The following SHANK2 variants were observed in gnomAD, a reference collection of about 807,000 sequenced individuals.
SHANK2 encodes the protein SH3 and multiple ankyrin repeat domains 2.
SHANK2 carries 43 observed loss-of-function variants against 133.7 expected under a neutral mutation model. The ratio of observed to expected loss-of-function variants is 0.32; its 90% CI spans 0.25 to 0.41. SHANK2 has a LOEUF of 0.41. Ranked by LOEUF, SHANK2 falls within the 10% of genes least tolerant of loss-of-function variation. The pLI, the probability that SHANK2 is intolerant of heterozygous loss-of-function variation, is 1.00. For missense variants in SHANK2, 1,994 were observed against 2,235.8 expected, an observed-to-expected ratio of 0.89 and a Z score of 2.18; for synonymous variants, 1,017 against 952.8, an observed-to-expected ratio of 1.07 and a Z score of -1.24.
At chr11:70,476,652 A>G (rs977197102) in intron 25 of SHANK2, among the ~76,000 whole-genome samples, 2 of 152,222 alleles carry the variant, frequency 1.3e-5, no homozygotes, top group Non-Finnish European at 2.9e-5. Flanking sequence ...GGCACAGGGA[A>G]TGTTTCCTAT....
intron 2 of SHANK2, among the ~76,000 whole-genome samples, chr11:71,203,360 G>A (rs182536606): frequency 2.2e-4 from 34 of 152,324 alleles, no homozygotes; most frequent in African/African-American, 7.9e-4. Context: ...CTAAATCAGA[G>A]AGCTAATAAA....
At chr11:70,748,144 A>G (rs968038309) in intron 14 of SHANK2, among the ~76,000 whole-genome samples, 2 of 152,204 alleles carry the variant, frequency 1.3e-5, no homozygotes, top group Admixed American at 6.5e-5. Context: ...CTCCCAGTTC[A>G]TTTCTCAGCC....
chr11:70,485,452 G>T lies in SHANK2; in HGVS notation c.4841C>A (p.Pro1614Gln). 2 of 1,614,002 alleles carry T rather than the reference G, an allele frequency of 1.2e-6. No individual in the cohort carries two copies. Among genetic ancestry groups the T allele is most frequent in the Non-Finnish European group, 1.7e-6 (2 of 1,180,032 alleles). The change falls in exon 25 of 26, where the codon CCG becomes CAG. Residue 1614 changes from proline (P) to glutamine (Q), a missense_variant. Around this residue, in one of 5 missense-constraint regions of SHANK2, gnomAD observed 797 missense variants for 907.4 expected, o/e 0.88. Transcript: ENST00000601538. This position sits in a 1 kb window ranked among gnomAD's most constrained non-coding sequence, Gnocchi z 5.8. ...GTTTGCCTTTGGGCCTGAGAGAATCGGGCTTTTGATCTCTGTGACGTCGCC... is the reference window on the plus strand; with the variant it reads ...GTTTGCCTTTGGGCCTGAGAGAATCTGGCTTTTGATCTCTGTGACGTCGCC... ...LWGDVTEIKSPILSGPKANVI... is the reference protein window; with the variant it reads ...LWGDVTEIKSQILSGPKANVI...
Position 70,798,522 on chromosome 11 carries a change from G to A in SHANK2, c.1698C>T (p.Gly566=). The change falls in exon 14 of 26, where the codon GGC becomes GGT. Residue 566 remains glycine, a synonymous_variant. Coordinates refer to ENST00000601538, the MANE Select transcript of SHANK2 (RefSeq NM_012309.5). ...LSIGEGGFWE[G]SARGHIGWFP... The stretch of plus-strand genomic sequence containing the variant: ...ACCATCCGATGTGGCCGCGGGCGCT[G>A]CCTTCCCAGAAGCCCCCTTCACCGA... The A allele has an allele frequency of 1.4e-6, 1 of 718,602 alleles. No homozygotes were observed. The highest frequency in any genetic ancestry group is 2.7e-5 in the East Asian group (1 of 37,278). The allele number at this position is 718,602 out of a possible 1,614,324, so 44.5% of individuals were successfully genotyped here.
intron 17 of SHANK2, among the ~76,000 whole-genome samples, chr11:70,521,684 G>A (rs1271364527): frequency 6.6e-6 from 1 of 152,046 alleles, no homozygotes; most frequent in Non-Finnish European, 1.5e-5. Flanking sequence ...GTGAGTGTGA[G>A]CATGTGTGTG....
chr11:70,596,946 C>T (rs2060409791), intron 17 of SHANK2, among the ~76,000 whole-genome samples: 1 of 152,164 alleles, frequency 6.6e-6, no homozygotes, highest in Non-Finnish European at 1.5e-5. Context: ...ATCTATTTTG[C>T]AAGCGCAGAC....
intron 14 of SHANK2, among the ~76,000 whole-genome samples, chr11:70,787,101 T>C (rs1318316647): frequency 2.2e-5 from 3 of 138,028 alleles, no homozygotes; most frequent in African/African-American, 8.3e-5. Context: ...ATCACCACCA[T>C]CATCACCATG....
intron 17 of SHANK2, among the ~76,000 whole-genome samples, chr11:70,577,375 G>T (rs966197358): frequency 5.3e-5 from 8 of 152,218 alleles, no homozygotes; most frequent in Non-Finnish European, 1.0e-4. Context: ...TCTCCTTGGT[G>T]GAGCCACTTC....
At chr11:70,508,603 G>A (rs925809915) in intron 17 of SHANK2, among the ~76,000 whole-genome samples, 7 of 152,200 alleles carry the variant, frequency 4.6e-5, no homozygotes, top group Non-Finnish European at 7.4e-5. Context: ...ATGAAAAGGG[G>A]AAATTTGGGC....
chr11:70,474,530 C>A (rs1378922643), intron 25 of SHANK2: 1 of 152,272 alleles, frequency 6.6e-6, no homozygotes, highest in African/African-American at 2.4e-5. Flanking sequence ...ACACACCACT[C>A]CCTCACGGGC....
chr11:70,780,335 C>A (rs1284690893), intron 14 of SHANK2, among the ~76,000 whole-genome samples: 1 of 152,094 alleles, frequency 6.6e-6, no homozygotes, highest in Admixed American at 6.5e-5. Flanking sequence ...AACCCCAGGG[C>A]TCCAGGCCAG....
intron 2 of SHANK2, among the ~76,000 whole-genome samples, chr11:71,152,135 C>T (rs1210460934): frequency 5.9e-5 from 9 of 152,094 alleles, no homozygotes; most frequent in Admixed American, 2.6e-4. Context: ...TTTATTGAGA[C>T]GGAGTCTCAC....
At chr11:70,888,954 A>G (rs1340966863) in intron 11 of SHANK2, among the ~76,000 whole-genome samples, 3 of 152,244 alleles carry the variant, frequency 2.0e-5, no homozygotes, top group Admixed American at 2.0e-4. Context: ...TGGGGACGGT[A>G]GAATCAGATA....
chr11:71,167,794 G>A (rs1187741895), intron 2 of SHANK2, among the ~76,000 whole-genome samples: 2 of 144,596 alleles, frequency 1.4e-5, no homozygotes, highest in Non-Finnish European at 3.0e-5. Context: ...CCGGGCGGGG[G>A]GCTGATCCCC....
intron 12 of SHANK2, among the ~76,000 whole-genome samples, chr11:70,813,452 C>A (rs1948319745): frequency 6.6e-6 from 1 of 152,092 alleles, no homozygotes; most frequent in Admixed American, 6.5e-5. Flanking sequence ...CCATTGAGGG[C>A]CCCTGTGGCC....
chr11:70,548,592 T>C (rs1199919913), intron 17 of SHANK2, among the ~76,000 whole-genome samples: 2 of 152,150 alleles, frequency 1.3e-5, no homozygotes, highest in African/African-American at 4.8e-5. Context: ...TGTCACTTTC[T>C]CCCCTAGGAG....
intron 14 of SHANK2, among the ~76,000 whole-genome samples, chr11:70,759,990 C>T (rs1382146585): frequency 6.6e-6 from 1 of 152,234 alleles, no homozygotes; most frequent in Non-Finnish European, 1.5e-5. Context: ...TGATTTCAGA[C>T]TTCCAGCCTC....
At chr11:70,682,526 G>A (rs1945050823) in intron 15 of SHANK2, among the ~76,000 whole-genome samples, 1 of 152,220 alleles carries the variant, frequency 6.6e-6, no homozygotes, top group South Asian at 2.1e-4. Flanking sequence ...ATGCACAGTG[G>A]CCCCTTCTGG....
intron 2 of SHANK2, among the ~76,000 whole-genome samples, chr11:71,191,400 C>T (rs1953790336): frequency 6.6e-6 from 1 of 151,988 alleles, no homozygotes; most frequent in African/African-American, 2.4e-5. Flanking sequence ...GGCTGGAGTC[C>T]GCACAGGGCT....
Sources: allele counts gnomAD v4.1 joint callset (sites outside exome capture counted in the v4.1 genomes callset), GRCh38; gene constraint gnomAD v4.1.1; regional missense constraint gnomAD v4.1.1; non-coding constraint Gnocchi (gnomAD v3.1); transcripts MANE v1.5; gene names NCBI Gene and HGNC (gene_info 2026-07-23, HGNC 2026-07-21).